INPP4B: variants seen among roughly 807,000 people sequenced by gnomAD.
The protein encoded by INPP4B is inositol polyphosphate-4-phosphatase type II B, also known as inositol polyphosphate 4-phosphatase type II.
INPP4B carries 55 observed loss-of-function variants against 122.5 expected under a neutral mutation model. That is an observed-to-expected ratio of 0.45 (90% CI 0.36 to 0.56). INPP4B has a LOEUF of 0.56. Among genes scored for constraint, INPP4B ranks in the 20% least tolerant of loss-of-function variants. The pLI, the probability that INPP4B is intolerant of heterozygous loss-of-function variation, is 0.00. For missense variants in INPP4B, 1,000 were observed against 1,097.7 expected (o/e 0.91, Z 1.26); for synonymous variants, 403 against 388.7 (o/e 1.04, Z -0.43).
At chr4:142,394,737 T>G (rs1253244566) in intron 7 of INPP4B, among the ~76,000 whole-genome samples, 1 of 152,248 alleles carries the variant, frequency 6.6e-6, no homozygotes, top group Non-Finnish European at 1.5e-5. Context: ...GATGTATGAT[T>G]TGCAAATACT....
At chr4:142,387,229 C>T (rs1412961639) in intron 7 of INPP4B, among the ~76,000 whole-genome samples, 1 of 152,004 alleles carries the variant, frequency 6.6e-6, no homozygotes, top group Non-Finnish European at 1.5e-5. Flanking sequence ...GATTTTTGTG[C>T]TCTACCCCTT....
chr4:142,050,017 G>A (rs17015338), intron 25 of INPP4B, among the ~76,000 whole-genome samples: 598 of 152,004 alleles, frequency 3.9e-3, no homozygotes, highest in Non-Finnish European at 5.9e-3. Context: ...TCTTATCCAC[G>A]TAAAATACCA....
At chr4:142,606,515 C>T (rs1741301808) in intron 2 of INPP4B, among the ~76,000 whole-genome samples, 1 of 151,708 alleles carries the variant, frequency 6.6e-6, no homozygotes, top group Admixed American at 6.6e-5. Context: ...CTCACATGTA[C>T]CCTATACATG....
At chr4:142,733,605 AT>A (rs1488358650) in intron 1 of INPP4B, among the ~76,000 whole-genome samples, 1 of 152,180 alleles carries the variant, frequency 6.6e-6, no homozygotes, top group Non-Finnish European at 1.5e-5. Flanking sequence ...ATGAGGCTGA[AT>A]TAAAAAAAAA....
At chr4:142,115,282 C>A (rs1328654407) in intron 21 of INPP4B, among the ~76,000 whole-genome samples, 1 of 152,044 alleles carries the variant, frequency 6.6e-6, no homozygotes, top group Non-Finnish European at 1.5e-5. Flanking sequence ...CAAGGCAGGC[C>A]AACATTCAAA....
At chr4:142,671,534 A>G (rs943430761) in intron 2 of INPP4B, among the ~76,000 whole-genome samples, 1 of 152,124 alleles carries the variant, frequency 6.6e-6, no homozygotes, top group Non-Finnish European at 1.5e-5. Flanking sequence ...CTCAAATGCA[A>G]TTTCATTGTA....
chr4:142,362,678 C>T (rs1158810171), intron 7 of INPP4B, among the ~76,000 whole-genome samples: 2 of 151,912 alleles, frequency 1.3e-5, no homozygotes, highest in East Asian at 3.9e-4. Flanking sequence ...AAATCATGTC[C>T]TCTGCAGCAA....
chr4:142,756,323 C>T lies in INPP4B; in HGVS notation c.-253-30422G>A, dbSNP rs146489498. 2.5e-3 allele frequency among the ~76,000 whole-genome samples: 384 copies of T among 152,060 alleles called. 5 individuals carry two copies. The highest frequency in any genetic ancestry group is 0.019 in the East Asian group (96 of 5,160). On this transcript the variant is annotated intron_variant, in intron 1 of 25. Transcript: ENST00000262992. Reference sequence around the variant, plus strand: ...AGATTTTCATGACATTAGAAAACTGCGGCGTTAACAAAATTGAAACTGCCT... The same window carrying T: ...AGATTTTCATGACATTAGAAAACTGTGGCGTTAACAAAATTGAAACTGCCT...
At chr4:142,103,130 C>T (rs1168542437) in intron 23 of INPP4B, among the ~76,000 whole-genome samples, 1 of 152,052 alleles carries the variant, frequency 6.6e-6, no homozygotes, top group African/African-American at 2.4e-5. Flanking sequence ...TAATGAGTCA[C>T]AATCATCAAA....
chr4:142,198,356 A>G (rs1397829522), intron 14 of INPP4B, among the ~76,000 whole-genome samples: 2 of 152,024 alleles, frequency 1.3e-5, no homozygotes, highest in Non-Finnish European at 2.9e-5. Context: ...TACAGCAGCA[A>G]CTAGGTACAT....
chr4:142,751,283 C>CAAAAAA (rs70949187), intron 1 of INPP4B, among the ~76,000 whole-genome samples: 6 of 105,094 alleles, frequency 5.7e-5, no homozygotes, highest in Non-Finnish European at 8.2e-5. Flanking sequence ...TTAACTGTGT[C>CAAAAAA]AAAAAAAAAA....
intron 2 of INPP4B, among the ~76,000 whole-genome samples, chr4:142,517,862 A>G (rs1275932449): frequency 1.3e-5 from 2 of 152,190 alleles, no homozygotes; most frequent in Non-Finnish European, 2.9e-5. Flanking sequence ...GTACAGATTC[A>G]TAGCTAAAAT....
chr4:142,427,384 T>C lies in INPP4B; in HGVS notation c.136+1789A>G, dbSNP rs1333541067. 2.7e-5 allele frequency: 13 copies of C among 479,022 alleles called. No individual in the cohort carries two copies. The Admixed American group carries it at 3.5e-4, about 13-fold the overall frequency. The allele number at this position is 479,022 out of a possible 1,614,324, so 29.7% of individuals were successfully genotyped here. A position where few individuals can be genotyped will look rare whatever the true frequency, so the allele number is the denominator to read the frequency against. ...TGTTTCTTAGTATATTTTAAAAATA[T>C]ATATAAAAAAAGAAATTGAAGTTTT... On this transcript the variant is annotated intron_variant, in intron 5 of 25. Transcript: ENST00000262992.
chr4:142,812,720 C>T (rs952240155), intron 1 of INPP4B, among the ~76,000 whole-genome samples: 1 of 151,964 alleles, frequency 6.6e-6, no homozygotes, highest in East Asian at 1.9e-4. Context: ...GACATTAGAA[C>T]ACCTAATTTT....
chr4:142,661,815 A>G (rs1580655291), intron 2 of INPP4B, among the ~76,000 whole-genome samples: 2 of 152,234 alleles, frequency 1.3e-5, no homozygotes, highest in East Asian at 3.8e-4. Context: ...AACAGGAGAC[A>G]GTCCATCTGA....
intron 1 of INPP4B, among the ~76,000 whole-genome samples, chr4:142,838,910 G>A (rs1020806379): frequency 6.6e-6 from 1 of 152,160 alleles, no homozygotes; most frequent in East Asian, 1.9e-4. Context: ...ACCACAGACT[G>A]CCCTAGAAAG....
At chr4:142,094,345 G>C (rs2152573859) in intron 23 of INPP4B, among the ~76,000 whole-genome samples, 1 of 152,314 alleles carries the variant, frequency 6.6e-6, no homozygotes, top group Middle Eastern at 3.4e-3. Flanking sequence ...ACTGAAGGCA[G>C]TTTAATGGCC....
At chr4:142,233,108 G>A (rs1855134043) in intron 12 of INPP4B, among the ~76,000 whole-genome samples, 1 of 152,184 alleles carries the variant, frequency 6.6e-6, no homozygotes, top group Admixed American at 6.5e-5. Context: ...AGATCTAGCT[G>A]AGATCATTGA....
chr4:142,238,102 T>C, intron 11 of INPP4B, 91 bp from the exon 12 acceptor site: 1 of 561,492 alleles, frequency 1.8e-6, no homozygotes, highest in Non-Finnish European at 3.1e-6. Context: ...CAAGATGGCA[T>C]TTTTATTATT....
Sources: allele counts gnomAD v4.1 joint callset (sites outside exome capture counted in the v4.1 genomes callset), GRCh38; gene constraint gnomAD v4.1.1; transcripts MANE v1.5; gene names NCBI Gene and HGNC (gene_info 2026-07-23, HGNC 2026-07-21).